PHLPP2: variants seen among roughly 807,000 people sequenced by gnomAD.
PHLPP2 encodes the protein PH domain and leucine rich repeat protein phosphatase 2, also known as PH domain leucine-rich repeat-containing protein phosphatase 2.
A neutral mutation model predicts 124.9 loss-of-function variants in PHLPP2; 66 were observed. The ratio of observed to expected loss-of-function variants is 0.53; its 90% CI spans 0.43 to 0.65. The LOEUF (loss-of-function observed/expected upper bound fraction) is 0.65. Among genes scored for constraint, PHLPP2 ranks in the 30% least tolerant of loss-of-function variants. The probability of loss-of-function intolerance (pLI) is 0.00; values close to 1 mark genes in which losing one functional copy is unlikely to be tolerated. For synonymous variants in PHLPP2, 681 were observed against 624.7 expected, an observed-to-expected ratio of 1.09 and a Z score of -1.34; for missense variants, 1,685 against 1,600.4, an observed-to-expected ratio of 1.05 and a Z score of -0.90.
chr16:71,713,327 C>T (rs994514011), intron 2 of PHLPP2, among the ~76,000 whole-genome samples: 2 of 152,108 alleles, frequency 1.3e-5, no homozygotes, highest in Non-Finnish European at 2.9e-5. Context: ...AAATTTACTA[C>T]TAACATATTT....
intron 9 of PHLPP2, among the ~76,000 whole-genome samples, chr16:71,672,746 A>T (rs1324077815): frequency 6.6e-6 from 1 of 152,262 alleles, no homozygotes; most frequent in Non-Finnish European, 1.5e-5. Flanking sequence ...ATCAAGAAAC[A>T]GAACATTACC....
chr16:71,678,717 G>C, intron 8 of PHLPP2, 38 bp downstream of exon 8: 2 of 1,028,534 alleles, frequency 1.9e-6, no homozygotes, highest in Non-Finnish European at 3.1e-6. Context: ...GTCCACCAGA[G>C]TCAATTTAAA....
intron 2 of PHLPP2, among the ~76,000 whole-genome samples, chr16:71,711,411 A>C (rs2045323405): frequency 6.6e-6 from 1 of 152,188 alleles, no homozygotes; most frequent in African/African-American, 2.4e-5. Flanking sequence ...GTGAGCCCAA[A>C]TACATAAATA....
intron 12 of PHLPP2, 135 bp from the exon 13 acceptor site, chr16:71,664,234 G>T (rs111568385): frequency 3.1e-6 from 2 of 655,336 alleles, no homozygotes; most frequent in Non-Finnish European, 5.3e-6. Context: ...AAATCTCCAC[G>T]TAGTTTTTCT....
Position 71,655,228 on chromosome 16 carries a change from C to T in PHLPP2, c.2585+12G>A. 2 of 1,585,614 alleles carry T rather than the reference C, an allele frequency of 1.3e-6. No individual in the cohort carries two copies. Among genetic ancestry groups the T allele is most frequent in the Non-Finnish European group, 1.7e-6 (2 of 1,155,498 alleles). On this transcript the variant is annotated intron_variant, in intron 17 of 18. Coordinates refer to ENST00000568954, the MANE Select transcript of PHLPP2 (RefSeq NM_015020.3). ...AGAACTGAGTTAGGGATTTTTCAACCCACCTGCTTACCTGTGAGATACCAA... is the reference window on the plus strand; with the variant it reads ...AGAACTGAGTTAGGGATTTTTCAACTCACCTGCTTACCTGTGAGATACCAA...
rs184200581 is a variant in PHLPP2 at position 71,674,615 on chromosome 16, C to T, written c.1471+1832G>A. Among the ~76,000 whole-genome samples the T allele has an allele frequency of 4.6e-3, 705 of 152,230 alleles. 3 individuals carry two copies. Among genetic ancestry groups the T allele is most frequent in the Middle Eastern group, 0.01 (3 of 294 alleles). Reference sequence around the variant, plus strand: ...TGTGCAATTTATCCATATTACCATGCAAAGCTTTAGTACATTCATTTTCAC... The same window carrying T: ...TGTGCAATTTATCCATATTACCATGTAAAGCTTTAGTACATTCATTTTCAC... On this transcript the variant is annotated intron_variant, in intron 9 of 18. Transcript: ENST00000568954.
At chr16:71,669,242 A>T (rs751572568) in intron 11 of PHLPP2, 33 bp downstream of exon 11, 4 of 1,394,268 alleles carry the variant, frequency 2.9e-6, no homozygotes, top group Non-Finnish European at 4.0e-6. Context: ...AAATGTTAGT[A>T]TATACATAAT....
chr16:71,697,169 T>A (rs1033548776), intron 3 of PHLPP2, among the ~76,000 whole-genome samples: 2 of 131,536 alleles, frequency 1.5e-5, no homozygotes, highest in Non-Finnish European at 3.2e-5. Flanking sequence ...CAAGACTCTG[T>A]CTCAATAAAT....
chr16:71,699,039 GCTATTTA>G (rs1255161732), intron 3 of PHLPP2, among the ~76,000 whole-genome samples: 2 of 152,112 alleles, frequency 1.3e-5, no homozygotes, highest in East Asian at 3.8e-4. Context: ...TGATTACTAA[GCTATTTA>G]CTTCAAAGAG....
At chr16:71,706,512 A>G (rs1197861751) in intron 2 of PHLPP2, among the ~76,000 whole-genome samples, 1 of 152,212 alleles carries the variant, frequency 6.6e-6, no homozygotes, top group Non-Finnish European at 1.5e-5. Context: ...TCTACATCAA[A>G]TTCAGATTAA....
intron 9 of PHLPP2, among the ~76,000 whole-genome samples, chr16:71,674,928 C>T (rs2044932153): frequency 6.6e-6 from 1 of 152,214 alleles, no homozygotes; most frequent in Non-Finnish European, 1.5e-5. Context: ...ACCTGGGCAG[C>T]AGAGGTTGCA....
chr16:71,678,812 T>G lies in PHLPP2; in HGVS notation c.1211A>C (p.Glu404Ala). Residue 404 changes from glutamate to alanine, a missense_variant, in exon 8 of 19, where the codon GAA becomes GCA. Glu to Ala is a moderately radical substitution (Grantham distance 107). Transcript: ENST00000568954. ...DRVVMAGNCL[E>A]VLNLGVLNRM... is the part of the protein sequence containing the mutation. ...ATTCAGCACCCCTAAGTTCAGGACT[T>G]CCAGGCAATTTCCTGCCATAACCAC... The G allele has an allele frequency of 6.2e-7, 1 of 1,612,928 alleles. No individual in the cohort carries two copies. The highest frequency in any genetic ancestry group is 8.5e-7 in the Non-Finnish European group (1 of 1,178,934).
chr16:71,669,448 T>C lies in PHLPP2; in HGVS notation c.1533-78A>G. On this transcript the variant is annotated intron_variant, in intron 10 of 18. Coordinates refer to ENST00000568954, the MANE Select transcript of PHLPP2 (RefSeq NM_015020.3). The stretch of plus-strand genomic sequence containing the variant: ...ATTTCAGTAGGCTATAATGTATCCA[T>C]TAACCAGCCTGTGAGCCCTTGAGGG... 8 of 1,038,980 alleles carry C rather than the reference T, an allele frequency of 7.7e-6. No homozygotes were observed. The Admixed American group carries it at 1.5e-4, about 19-fold the overall frequency. 64.4% of individuals were successfully genotyped at this position (1,038,980 alleles called of 1,614,324 possible).
At chr16:71,723,844 G>T in intron 1 of PHLPP2, 1 of 1,226,982 alleles carries the variant, frequency 8.2e-7, no homozygotes, top group Non-Finnish European at 1.0e-6. Flanking sequence ...GCGGGCCCGC[G>T]GGCCCCGGCT....
In PHLPP2 at chr16:71,714,657, T is replaced by A. The variant is rs149630558; in HGVS notation, c.139A>T (p.Thr47Ser). 10 of 1,613,362 alleles carry A rather than the reference T, an allele frequency of 6.2e-6. No individual in the cohort carries two copies. The African/African-American group carries it at 1.2e-4, about 19-fold the overall frequency. The change falls in exon 2 of 19, where the codon ACC becomes TCC. Residue 47 changes from threonine (T) to serine (S), a missense_variant. Coordinates refer to ENST00000568954, the MANE Select transcript of PHLPP2 (RefSeq NM_015020.3). ...GADTTTATTT[T>S]TTSSSSSSSS... The stretch of plus-strand genomic sequence containing the variant: ...GAGGAAGAGGAAGAGGAGGTGGTGG[T>A]GGTTGTAGTGGCAGTGGTAGTGTCT...
intron 17 of PHLPP2, 23 bp from the exon 18 acceptor site, chr16:71,653,044 G>A (rs1025071432): frequency 1.3e-6 from 2 of 1,487,376 alleles, no homozygotes; most frequent in African/African-American, 2.8e-5. Context: ...AAAAGGAAAA[G>A]AAGACGTGGT....
chr16:71,691,036 T>C (rs530390416), intron 3 of PHLPP2, among the ~76,000 whole-genome samples: 1 of 152,248 alleles, frequency 6.6e-6, no homozygotes, highest in Admixed American at 6.5e-5. Flanking sequence ...TCAGAGATAC[T>C]TGAATTTGAA....
chr16:71,702,799 G>GTATTTT (rs10626314), intron 2 of PHLPP2, 68 bp from the exon 3 acceptor site: 767,601 of 912,542 alleles, frequency 0.84, 328,901 homozygotes, highest in East Asian at 0.99. Flanking sequence ...TAATTTTTTA[G>GTATTTT]TATTTTTATT....
Position 71,655,422 on chromosome 16 carries a change from T to C in PHLPP2, c.2403A>G (p.Ser801=). ...MAGQRNKLCV[S]ALAMDSFAEG... is the part of the protein sequence containing the mutation. ...CTGCAAAGCTATCCATAGCAAGTGC[T>C]GAGACACACAGCCTATAATAGAAAC... Residue 801 remains serine, a synonymous_variant, in exon 17 of 19, where the codon TCA becomes TCG. Coordinates refer to ENST00000568954, the MANE Select transcript of PHLPP2 (RefSeq NM_015020.3). 6.2e-7 allele frequency: 1 copy of C among 1,612,890 alleles called. No individual in the cohort carries two copies. Among genetic ancestry groups the C allele is most frequent in the Non-Finnish European group, 8.5e-7 (1 of 1,179,208 alleles).
Sources: gnomAD v4.1 joint callset for allele counts (sites outside exome capture counted in the v4.1 genomes callset) on GRCh38, gnomAD v4.1.1 for gene constraint, MANE v1.5 for transcripts, NCBI Gene and HGNC (gene_info 2026-07-23, HGNC 2026-07-21) for gene names.